PSAT1: variants seen among roughly 807,000 people sequenced by gnomAD.
The protein encoded by PSAT1 is phosphoserine aminotransferase 1.
PSAT1 carries 41 observed loss-of-function variants against 40.3 expected under a neutral mutation model. The observed-to-expected ratio is 1.02, with a 90% CI of 0.79 to 1.32. PSAT1 has a LOEUF of 1.32. PSAT1 is among the 40% of genes most tolerant of loss of function. PSAT1 has a pLI of 0.00. For missense variants in PSAT1, 406 were observed against 455.8 expected (o/e 0.89, Z 0.99); for synonymous variants, 147 against 170.5 (o/e 0.86, Z 1.07).
intron 1 of PSAT1, among the ~76,000 whole-genome samples, chr9:78,298,136 C>T (rs1828054203): frequency 6.6e-6 from 1 of 152,182 alleles, no homozygotes; most frequent in South Asian, 2.1e-4. Flanking sequence ...CACTCTCTGC[C>T]TTCCCAGGCC....
chr9:78,311,025 C>T (rs1439274298), intron 6 of PSAT1, among the ~76,000 whole-genome samples: 1 of 152,190 alleles, frequency 6.6e-6, no homozygotes, highest in Non-Finnish European at 1.5e-5. Flanking sequence ...TTCTGGGATG[C>T]ACTCTCCTGG....
At chr9:78,314,749 G>C (rs1353333400) in intron 6 of PSAT1, among the ~76,000 whole-genome samples, 1 of 152,080 alleles carries the variant, frequency 6.6e-6, no homozygotes, top group Non-Finnish European at 1.5e-5. Flanking sequence ...TCAGCTAGGG[G>C]TTCAGGCGTC....
At chr9:78,310,733 G>A (rs867964666) in intron 6 of PSAT1, among the ~76,000 whole-genome samples, 4 of 151,566 alleles carry the variant, frequency 2.6e-5, no homozygotes, top group African/African-American at 7.3e-5. Context: ...TCAGCCTCCC[G>A]AGTAGCTGGG....
Position 78,309,232 on chromosome 9 carries a change from C to G in PSAT1, c.740+649C>G, listed in dbSNP as rs182122029. ...ACATGAGGTGCTGTGGCCTGCATCT[C>G]AAACAGCCAGTGCAGCTTTGGAGAA... is the stretch of plus-strand genomic sequence containing the variant. On this transcript the variant is annotated intron_variant, in intron 6 of 8. Coordinates refer to ENST00000376588, the MANE Select transcript of PSAT1 (RefSeq NM_058179.4). Among the ~76,000 whole-genome samples, 596 of 152,360 alleles carry G rather than the reference C, an allele frequency of 3.9e-3. 3 individuals are homozygous for G. Among genetic ancestry groups the G allele is most frequent in the African/African-American group, 0.014 (564 of 41,586 alleles).
At chr9:78,299,514 C>CTT (rs57722137) in intron 1 of PSAT1, among the ~76,000 whole-genome samples, 19,651 of 118,428 alleles carry the variant, frequency 0.17, 2,871 homozygotes, top group African/African-American at 0.34. Context: ...TAATCTAATT[C>CTT]TTTTTTTTTT....
intron 4 of PSAT1, among the ~76,000 whole-genome samples, chr9:78,306,104 C>T (rs1053004109): frequency 6.6e-6 from 1 of 152,232 alleles, no homozygotes; most frequent in Non-Finnish European, 1.5e-5. Flanking sequence ...CAGTAAAAGT[C>T]GAAAGGTTGG....
At chr9:78,305,032 C>A in intron 4 of PSAT1, 92 bp downstream of exon 4, 1 of 1,160,702 alleles carries the variant, frequency 8.6e-7, no homozygotes, top group South Asian at 1.3e-5. Flanking sequence ...ATTTTCTCCC[C>A]TTGACAGTGT....
chr9:78,322,227 G>A (rs997058223), intron 7 of PSAT1, among the ~76,000 whole-genome samples: 2 of 151,646 alleles, frequency 1.3e-5, no homozygotes, highest in African/African-American at 4.8e-5. Context: ...CCTTATGTGG[G>A]TACCAGGCCT....
At chr9:78,315,987 G>A (rs1828337752) in intron 6 of PSAT1, among the ~76,000 whole-genome samples, 1 of 152,210 alleles carries the variant, frequency 6.6e-6, no homozygotes, top group Non-Finnish European at 1.5e-5. Context: ...ATAGTTGGCA[G>A]CTGACCTCCA....
chr9:78,315,236 T>C (rs959669064), intron 6 of PSAT1, among the ~76,000 whole-genome samples: 2 of 152,166 alleles, frequency 1.3e-5, no homozygotes, highest in African/African-American at 4.8e-5. Flanking sequence ...CCTGCATACT[T>C]GTGGGAAGAG....
chr9:78,326,025 G>T (rs565138461), intron 7 of PSAT1, among the ~76,000 whole-genome samples: 1 of 152,156 alleles, frequency 6.6e-6, no homozygotes, highest in East Asian at 1.9e-4. Context: ...GAGGGTAGCC[G>T]TTGAATGTTT....
At chr9:78,302,168 A>G (rs2118628667) in intron 3 of PSAT1, 145 bp downstream of exon 3, 2 of 690,134 alleles carry the variant, frequency 2.9e-6, no homozygotes, top group East Asian at 2.7e-5. Context: ...CCAATTCACT[A>G]TTAGTACCTA....
At chr9:78,327,000 G>T (rs1420519402) in intron 7 of PSAT1, among the ~76,000 whole-genome samples, 6 of 130,906 alleles carry the variant, frequency 4.6e-5, no homozygotes, top group African/African-American at 6.4e-5. Flanking sequence ...CTGTTGCCCA[G>T]GCTAGAGTGC....
Position 78,297,225 on chromosome 9 carries a change from G to C in PSAT1, c.15G>C (p.Arg5Ser). 3 of 1,602,566 alleles carry C rather than the reference G, an allele frequency of 1.9e-6. No homozygotes were observed. The highest frequency in any genetic ancestry group is 2.5e-6 in the Non-Finnish European group (3 of 1,178,404). MDAP[R>S]QVVNFGPGPA... ...GCCGCCGCACCATGGACGCCCCCAG[G>C]CAGGTGGTCAACTTTGGGCCTGGTC... is the stretch of plus-strand genomic sequence containing the variant. The change falls in exon 1 of 9, where the codon AGG becomes AGC. Residue 5 changes from arginine to serine, a missense_variant. Physicochemically the swap from Arg to Ser is moderately radical, Grantham distance 110. Coordinates refer to ENST00000376588, the MANE Select transcript of PSAT1 (RefSeq NM_058179.4).
intron 7 of PSAT1, among the ~76,000 whole-genome samples, chr9:78,324,631 A>G (rs952811250): frequency 3.9e-5 from 6 of 152,204 alleles, no homozygotes; most frequent in African/African-American, 1.4e-4. Context: ...GTTTAAAAAC[A>G]CAACTTGAGC....
At chr9:78,315,144 C>G (rs1445772415) in intron 6 of PSAT1, among the ~76,000 whole-genome samples, 1 of 152,194 alleles carries the variant, frequency 6.6e-6, no homozygotes, top group Non-Finnish European at 1.5e-5. Flanking sequence ...GCCACTGTCA[C>G]TGGTGTGTGG....
rs200973599 is a variant in PSAT1, at chr9:78,328,186, T to C, written c.1005T>C (p.His335=). 25 of 1,614,046 alleles carry C rather than the reference T, an allele frequency of 1.5e-5. No individual in the cohort carries two copies. The highest frequency in any genetic ancestry group is 2.1e-5 in the Non-Finnish European group (25 of 1,180,018). Reference sequence around the variant, plus strand: ...TCAATATGTTGTCCTTGAAAGGGCATAGGTGAGTACATCTGCAATGCACGA... The same window carrying C: ...TCAATATGTTGTCCTTGAAAGGGCACAGGTGAGTACATCTGCAATGCACGA... ...LELNMLSLKG[H]RSVGGIRASL... Residue 335 remains histidine, a splice_region_variant and synonymous_variant, in exon 8 of 9, where the codon CAT becomes CAC. Transcript: ENST00000376588.
At chr9:78,309,520 GC>G (rs1828236283) in intron 6 of PSAT1, among the ~76,000 whole-genome samples, 1 of 152,104 alleles carries the variant, frequency 6.6e-6, no homozygotes. Context: ...GTGCCACTAC[GC>G]CCAGCTAATT....
At chr9:78,323,888 C>T (rs1156423688) in intron 7 of PSAT1, among the ~76,000 whole-genome samples, 9 of 152,330 alleles carry the variant, frequency 5.9e-5, no homozygotes, top group African/African-American at 2.2e-4. Flanking sequence ...ACATACTCTT[C>T]TTTCTCATTC....
Sources: gnomAD v4.1 joint callset for allele counts (sites outside exome capture counted in the v4.1 genomes callset) on GRCh38, gnomAD v4.1.1 for gene constraint, MANE v1.5 for transcripts, NCBI Gene and HGNC (gene_info 2026-07-23, HGNC 2026-07-21) for gene names.